LRP4: variants seen among roughly 807,000 people sequenced by gnomAD.
LRP4 encodes LDL receptor related protein 4, also known as low-density lipoprotein receptor-related protein 4.
Under a neutral mutation model 220.3 loss-of-function variants are expected in LRP4, and 95 were observed. The ratio of observed to expected loss-of-function variants is 0.43; its 90% confidence interval spans 0.37 to 0.51. The LOEUF (loss-of-function observed/expected upper bound fraction) is 0.51. LRP4 is among the 20% of genes least tolerant of loss of function. The probability of loss-of-function intolerance (pLI) is 0.00; values close to 1 mark genes in which losing one functional copy is unlikely to be tolerated. For synonymous variants in LRP4, 903 were observed against 954.6 expected (o/e 0.95, Z 1.00); for missense variants, 1,925 against 2,567.0 (o/e 0.75, Z 5.40).
chr11:46,858,914 A>G lies in LRP4; in HGVS notation c.*69T>C. 6.9e-7 allele frequency: 1 copy of G among 1,451,698 alleles called. No homozygotes were observed. Among genetic ancestry groups the G allele is most frequent in the Non-Finnish European group, 9.7e-7 (1 of 1,034,456 alleles). The allele number at this position is 1,451,698 out of a possible 1,614,324, so 89.9% of individuals were successfully genotyped here. On this transcript the variant is annotated 3_prime_UTR_variant, in exon 38 of 38. Coordinates refer to ENST00000378623, the MANE Select transcript of LRP4 (RefSeq NM_002334.4). ...CACACAGAAGCGGGGCCTGCGGTGT[A>G]AGCGAGCACAAGGACTAGACGTCCA...
In LRP4 at chr11:46,897,070, C is replaced by A. The variant is rs1941548439; in HGVS notation, c.797-76G>T. ...TTCTCCCTGCCACCCAAATCTGCAGCTTATATCAGTACCCATGCCACTCTT... is the reference window on the plus strand; with the variant it reads ...TTCTCCCTGCCACCCAAATCTGCAGATTATATCAGTACCCATGCCACTCTT... On this transcript the variant is annotated intron_variant, in intron 7 of 37. Coordinates refer to ENST00000378623, the MANE Select transcript of LRP4 (RefSeq NM_002334.4). 19 of 1,590,100 alleles carry A rather than the reference C, an allele frequency of 1.2e-5. 1 individual carries two copies. In the South Asian group the frequency reaches 2.1e-4, roughly 18 times the overall value.
chr11:46,889,782 C>T (rs1941381157), intron 15 of LRP4, 162 bp downstream of exon 15: 1 of 875,944 alleles, frequency 1.1e-6, no homozygotes. Flanking sequence ...GTTGTACTGC[C>T]CCGAATGTCC....
chr11:46,871,710 G>A, intron 30 of LRP4, 77 bp from the exon 31 acceptor site: 1 of 953,054 alleles, frequency 1.0e-6, no homozygotes, highest in Non-Finnish European at 1.7e-6. Flanking sequence ...GAACCTGTTT[G>A]TCCCCTCCTG....
intron 36 of LRP4, 55 bp downstream of exon 36, chr11:46,864,393 G>A: frequency 1.6e-6 from 2 of 1,289,046 alleles, no homozygotes; most frequent in Non-Finnish European, 2.3e-6. Flanking sequence ...GGAGATCCCA[G>A]ACATGCTCAT....
rs890469233 is a variant in LRP4, at chr11:46,884,036, A to T, written c.2507-60T>A. The stretch of plus-strand genomic sequence containing the variant: ...TTGTTCATTCACCCTCTTACCTTCC[A>T]TGGCCAACACAAGAGCCTGGTATGC... On this transcript the variant is annotated intron_variant, in intron 18 of 37. Transcript: ENST00000378623. 4 of 1,355,008 alleles carry T rather than the reference A, an allele frequency of 3.0e-6. No homozygotes were observed. The African/African-American group carries it at 5.7e-5, about 19-fold the overall frequency. 83.9% of individuals were successfully genotyped at this position (1,355,008 alleles called of 1,614,324 possible).
intron 18 of LRP4, among the ~76,000 whole-genome samples, chr11:46,884,784 G>T (rs536243825): frequency 7.5e-5 from 11 of 146,204 alleles, no homozygotes; most frequent in Non-Finnish European, 1.5e-4. Context: ...GGTAGTGCAC[G>T]CCTGTAATCC....
At position 46,862,761 on chromosome 11, in the gene LRP4, G is replaced by A; in HGVS notation, c.5244-14C>T. ...GATTTTTTGTGTCTTTAGGAGGGAA[G>A]GTGATGAGAAATTAGTCGAGATCTT... On this transcript the variant is annotated splice_polypyrimidine_tract_variant and intron_variant, in intron 36 of 37. Coordinates refer to ENST00000378623, the MANE Select transcript of LRP4 (RefSeq NM_002334.4). 6.2e-7 allele frequency: 1 copy of A among 1,613,530 alleles called. No individual in the cohort carries two copies.
rs930167177 is a variant in LRP4, at chr11:46,918,021, G to A, written c.52+307C>T. Among the ~76,000 whole-genome samples, 1 of 152,214 alleles carries A rather than the reference G, an allele frequency of 6.6e-6. No individual in the cohort carries two copies. Among genetic ancestry groups the A allele is most frequent in the Admixed American group, 6.5e-5 (1 of 15,286 alleles). ...CCCGACCTAACCTGAAAGGGAAGCAGCCCCCGCTCTTGAAAGAGCAGCGAG... is the reference window on the plus strand; with the variant it reads ...CCCGACCTAACCTGAAAGGGAAGCAACCCCCGCTCTTGAAAGAGCAGCGAG... On this transcript the variant is annotated intron_variant, in intron 1 of 37. Transcript: ENST00000378623. The surrounding 1 kb of genome is among the most constrained non-coding windows in gnomAD (Gnocchi z 6.0).
intron 15 of LRP4, 83 bp from the exon 16 acceptor site, chr11:46,889,616 G>C: frequency 3.2e-6 from 5 of 1,573,478 alleles, no homozygotes; most frequent in Non-Finnish European, 4.3e-6. Flanking sequence ...TTTAGGTAGG[G>C]TGATAGTTCC....
Position 46,875,074 on chromosome 11 carries a change from C to A in LRP4, c.3955G>T (p.Gly1319Cys), listed in dbSNP as rs756790038. Residue 1319 changes from glycine to cysteine, a missense_variant, in exon 28 of 38, where the codon GGC becomes TGC. By Grantham distance (159) the Gly-to-Cys change is radical (BLOSUM62 -3). This residue lies in a region of LRP4 where 1,244 missense variants were observed against 1,624.9 expected (regional missense o/e 0.77). Transcript: ENST00000378623. This position sits in a 1 kb window ranked among gnomAD's most constrained non-coding sequence, Gnocchi z 4.5. ...CGAGGCAAGCAGAGGTGGGAGCAGC[C>A]GCCATTTCTCGAGCCGCACTTGTTA... Reference protein sequence around the residue: ...GFNKCGSRNGGCSHLCLPRPS... With the variant: ...GFNKCGSRNGCCSHLCLPRPS... 6.2e-7 allele frequency: 1 copy of A among 1,613,518 alleles called. No homozygotes were observed. The highest frequency in any genetic ancestry group is 2.2e-5 in the East Asian group (1 of 44,886).
intron 31 of LRP4, among the ~76,000 whole-genome samples, chr11:46,869,575 G>A (rs1437487377): frequency 6.6e-6 from 1 of 152,148 alleles, no homozygotes; most frequent in Non-Finnish European, 1.5e-5. Context: ...CCTTTGCTCA[G>A]AGCACTGCCC....
In LRP4 at chr11:46,868,027, T is replaced by C; in HGVS notation, c.5039A>G (p.Tyr1680Cys). The change falls in exon 34 of 38, where the codon TAT becomes TGT. Residue 1680 changes from tyrosine (Y) to cysteine (C), a missense_variant. Physicochemically the swap from Tyr to Cys is radical, Grantham distance 194 (BLOSUM62 -2). Coordinates refer to ENST00000378623, the MANE Select transcript of LRP4 (RefSeq NM_002334.4). ...VLPNTPPTTL[Y>C]SSTTRTRTSL... ...CGTGCGGGTCCGGGTGGTTGAAGAA[T>C]ACAAGGTGGTAGGTGGTGTGTTGGG... 1 of 1,614,156 alleles carries C rather than the reference T, an allele frequency of 6.2e-7. No individual in the cohort carries two copies. The highest frequency in any genetic ancestry group is 2.2e-5 in the East Asian group (1 of 44,876).
At chr11:46,913,051 G>C (rs1228771229) in intron 1 of LRP4, among the ~76,000 whole-genome samples, 1 of 152,110 alleles carries the variant, frequency 6.6e-6, no homozygotes, top group Non-Finnish European at 1.5e-5. Flanking sequence ...GCTATCCCCA[G>C]TTGGGTCCCA....
In LRP4 at chr11:46,879,113, A is replaced by G. The variant is rs745526673; in HGVS notation, c.3004+13T>C. ...GGCCACGGAGAAGCCAATGCGAGCC[A>G]AGGGCTGCTCACCTGGGGGCCGGCG... On this transcript the variant is annotated intron_variant, in intron 21 of 37. Coordinates refer to ENST00000378623, the MANE Select transcript of LRP4 (RefSeq NM_002334.4). 6.8e-6 allele frequency: 11 copies of G among 1,614,232 alleles called. No individual in the cohort carries two copies. Among genetic ancestry groups the G allele is most frequent in the Non-Finnish European group, 9.3e-6 (11 of 1,180,026 alleles).
chr11:46,918,197 G>T lies in LRP4; in HGVS notation c.52+131C>A. On this transcript the variant is annotated intron_variant, in intron 1 of 37. Transcript: ENST00000378623. The surrounding 1 kb of genome is among the most constrained non-coding windows in gnomAD (Gnocchi z 6.0). The stretch of plus-strand genomic sequence containing the variant: ...CCGCTCCGGGTCCTCTCCCCTGCAC[G>T]CAGCCCCAGGGCCACGGCTAGGAGC... 2.0e-6 allele frequency: 2 copies of T among 1,007,184 alleles called. No individual in the cohort carries two copies. The highest frequency in any genetic ancestry group is 2.8e-6 in the Non-Finnish European group (2 of 702,486). The allele number at this position is 1,007,184 out of a possible 1,614,324, so 62.4% of individuals were successfully genotyped here.
chr11:46,860,673 T>C (rs900089268), intron 37 of LRP4, among the ~76,000 whole-genome samples: 2 of 152,166 alleles, frequency 1.3e-5, no homozygotes, highest in African/African-American at 4.8e-5. Flanking sequence ...GCTTTGATGA[T>C]TATACAATAT....
In LRP4 at chr11:46,858,572, T is replaced by C; in HGVS notation, c.*411A>G. ...GTCCCAGCCCCTGATGGGCAAGTTCTCTCAGAGAAGCAGTCATGCTGGCTG... is the reference window on the plus strand; with the variant it reads ...GTCCCAGCCCCTGATGGGCAAGTTCCCTCAGAGAAGCAGTCATGCTGGCTG... On this transcript the variant is annotated 3_prime_UTR_variant, in exon 38 of 38. Coordinates refer to ENST00000378623, the MANE Select transcript of LRP4 (RefSeq NM_002334.4). The C allele has an allele frequency of 3.4e-6, 1 of 298,390 alleles. No homozygotes were observed. Among genetic ancestry groups the C allele is most frequent in the Non-Finnish European group, 6.6e-6 (1 of 151,520 alleles). The allele number at this position is 298,390 out of a possible 1,614,324, so 18.5% of individuals were successfully genotyped here.
chr11:46,900,252 C>G lies in LRP4; in HGVS notation c.316+10G>C, dbSNP rs779414551. On this transcript the variant is annotated intron_variant, in intron 3 of 37. Transcript: ENST00000378623. The stretch of plus-strand genomic sequence containing the variant: ...CAATGGAGTTCCGCCCAGCCTCTGC[C>G]AACACTCACGACAGTCCTGCTCATC... 5 of 1,604,194 alleles carry G rather than the reference C, an allele frequency of 3.1e-6. No homozygotes were observed. Among genetic ancestry groups the G allele is most frequent in the Admixed American group, 1.7e-5 (1 of 59,988 alleles).
chr11:46,888,226 G>A lies in LRP4; in HGVS notation c.2215+1185C>T, dbSNP rs934057935. Among the ~76,000 whole-genome samples the A allele has an allele frequency of 2.0e-4, 28 of 138,118 alleles. No homozygotes were observed. In the Admixed American group the frequency reaches 2.1e-3, roughly 10 times the overall value. 90.6% of individuals were successfully genotyped at this position (138,118 alleles called of 152,430 possible). ...AATCCCCGCTACTCAGGAGGCTGAG[G>A]CAGGAGAAGCACTTGAACCCGGGAG... On this transcript the variant is annotated intron_variant, in intron 16 of 37. Transcript: ENST00000378623.
Sources: allele counts gnomAD v4.1 joint callset (sites outside exome capture counted in the v4.1 genomes callset), GRCh38; gene constraint gnomAD v4.1.1; regional missense constraint gnomAD v4.1.1; non-coding constraint Gnocchi (gnomAD v3.1); transcripts MANE v1.5; gene names NCBI Gene and HGNC (gene_info 2026-07-23, HGNC 2026-07-21).